HNRNPA1: variants seen among roughly 807,000 people sequenced by gnomAD.
HNRNPA1 encodes the protein epididymis secretory sperm binding protein.
HNRNPA1 carries 7 observed loss-of-function variants against 44.4 expected under a neutral mutation model. The ratio of observed to expected loss-of-function variants is 0.16; its 90% CI spans 0.09 to 0.30. HNRNPA1 has a LOEUF of 0.30. Among genes scored for constraint, HNRNPA1 ranks in the 10% least tolerant of loss-of-function variants. The probability of loss-of-function intolerance (pLI) is 1.00; values close to 1 mark genes in which losing one functional copy is unlikely to be tolerated. For missense variants in HNRNPA1, 193 were observed against 465.8 expected (o/e 0.41, Z 5.39); for synonymous variants, 169 against 160.6 (o/e 1.05, Z -0.40).
At chr12:54,283,679 A>G in intron 8 of HNRNPA1, 133 bp from the exon 9 acceptor site, 2 of 855,310 alleles carry the variant, frequency 2.3e-6, no homozygotes, top group Non-Finnish European at 3.8e-6. Flanking sequence ...ATGAAATGCA[A>G]AGATTGGAGT....
intron 6 of HNRNPA1, 26 bp downstream of exon 6, chr12:54,282,691 T>G: frequency 6.2e-7 from 1 of 1,600,762 alleles, no homozygotes; most frequent in Non-Finnish European, 8.6e-7. Flanking sequence ...CTACATGTAG[T>G]TCTGACTTCT....
At chr12:54,283,406 T>TAGTA (rs2137044441) in intron 8 of HNRNPA1, among the ~76,000 whole-genome samples, 172 bp downstream of exon 8, 1 of 152,250 alleles carries the variant, frequency 6.6e-6, no homozygotes, top group South Asian at 2.1e-4. Flanking sequence ...CACTCCCAAA[T>TAGTA]AGTAGAGATA....
At position 54,280,797 on chromosome 12, in the gene HNRNPA1, A is replaced by G. The variant is rs571362848; in HGVS notation, c.-11A>G. On this transcript the variant is annotated 5_prime_UTR_variant, in exon 1 of 11. Transcript: ENST00000340913. ...AGAAGCATCGTTAAAGTCTCTCTTC[A>G]CCCTGCCGTCATGTCTAAGTCAGAG... The G allele has an allele frequency of 1.4e-4, 223 of 1,614,012 alleles. 4 individuals are homozygous for G. In the South Asian group the frequency reaches 2.3e-3, roughly 16 times the overall value.
chr12:54,281,250 C>G (rs1944162334), intron 1 of HNRNPA1, 136 bp from the exon 2 acceptor site: 1 of 724,194 alleles, frequency 1.4e-6, no homozygotes, highest in African/African-American at 1.7e-5. Context: ...CCTTGATAGG[C>G]AGAAGCACGT....
At chr12:54,280,916 T>G in intron 1 of HNRNPA1, 94 bp downstream of exon 1, 1 of 1,384,144 alleles carries the variant, frequency 7.2e-7, no homozygotes, top group Admixed American at 1.7e-5. Flanking sequence ...ACCAGCCCAT[T>G]CTACAGTTCC....
Position 54,282,165 on chromosome 12 carries a change from C to T in HNRNPA1, c.355C>T (p.His119Tyr), listed in dbSNP as rs1944184217. The T allele has an allele frequency of 1.3e-6, 2 of 1,599,232 alleles. No individual in the cohort carries two copies. Among genetic ancestry groups the T allele is most frequent in the Non-Finnish European group, 1.7e-6 (2 of 1,171,312 alleles). Residue 119 changes from histidine (H) to tyrosine (Y), a missense_variant, in exon 4 of 11, where the codon CAT becomes TAT. Physicochemically the swap from His to Tyr is moderately conservative, Grantham distance 83. Around this residue, in one of 2 missense-constraint regions of HNRNPA1, gnomAD observed 57 missense variants for 231.3 expected, o/e 0.25. Coordinates refer to ENST00000340913, the MANE Select transcript of HNRNPA1 (RefSeq NM_031157.4). ...TGGCATTAAAGAAGACACTGAAGAA[C>T]ATCACCTAAGAGATTATTTTGAACA... ...VGGIKEDTEE[H>Y]HLRDYFEQYG...
chr12:54,280,986 T>G lies in HNRNPA1; in HGVS notation c.15+164T>G, dbSNP rs774875208. On this transcript the variant is annotated intron_variant, in intron 1 of 10. Transcript: ENST00000340913. ...TCAAGTCGCCATTTTGTCCTCTTGA[T>G]CGCCATGAGGCCGCTCTCCGCCAAC... is the stretch of plus-strand genomic sequence containing the variant. 20 of 778,850 alleles carry G rather than the reference T, an allele frequency of 2.6e-5. No homozygotes were observed. The Admixed American group carries it at 3.8e-4, about 15-fold the overall frequency. The allele number at this position is 778,850 out of a possible 1,614,324, so 48.2% of individuals were successfully genotyped here. A position where few individuals can be genotyped will look rare whatever the true frequency, so the allele number is the denominator to read the frequency against.
chr12:54,281,596 G>A, intron 2 of HNRNPA1, 94 bp downstream of exon 2: 1 of 1,026,758 alleles, frequency 9.7e-7, no homozygotes, highest in Non-Finnish European at 1.5e-6. Context: ...GTAGTTAATA[G>A]CATTATAGTT....
rs1420222575 is a variant in HNRNPA1 at position 54,283,160 on chromosome 12, G to A, written c.833G>A (p.Gly278Asp). 1 of 1,613,560 alleles carries A rather than the reference G, an allele frequency of 6.2e-7. No individual in the cohort carries two copies. The highest frequency in any genetic ancestry group is 1.3e-5 in the African/African-American group (1 of 74,912). The change falls in exon 8 of 11, where the codon GGC (glycine) becomes GAC (aspartate). Residue 278 changes from glycine to aspartate, a missense_variant. Gly to Asp is a moderately conservative substitution (Grantham distance 94). This residue lies in a region of HNRNPA1 where 136 missense variants were observed against 234.4 expected (regional missense o/e 0.58). Transcript: ENST00000340913. ...GSGGQGYGNQ[G>D]SGYGGSGSYD... The stretch of plus-strand genomic sequence containing the variant: ...GGTGGACAGGGTTATGGAAACCAGG[G>A]CAGTGGCTATGGCGGGAGTGGCAGC...
In HNRNPA1 at chr12:54,282,854, A is replaced by C; in HGVS notation, c.731A>C (p.Tyr244Ser). ...GGATATGGTGGCAGTGGGGATGGCT[A>C]TAATGGATTTGGTAATGATGGTAAG... is the stretch of plus-strand genomic sequence containing the variant. ...GGGYGGSGDG[Y>S]NGFGNDGGYG... Residue 244 changes from tyrosine (Y) to serine (S), a missense_variant, in exon 7 of 11, where the codon TAT becomes TCT. This residue lies in a region of HNRNPA1 where 136 missense variants were observed against 234.4 expected (regional missense o/e 0.58). Transcript: ENST00000340913. 6.4e-7 allele frequency: 1 copy of C among 1,551,176 alleles called. No homozygotes were observed. The highest frequency in any genetic ancestry group is 8.7e-7 in the Non-Finnish European group (1 of 1,146,896).
intron 1 of HNRNPA1, 168 bp from the exon 2 acceptor site, chr12:54,281,218 C>T: frequency 2.8e-6 from 2 of 705,222 alleles, no homozygotes; most frequent in Admixed American, 2.1e-5. Context: ...TCCTAGCACT[C>T]CCAACTCCAG....
At chr12:54,282,057 G>T (rs538642629) in intron 3 of HNRNPA1, 33 bp from the exon 4 acceptor site, 1 of 1,605,746 alleles carries the variant, frequency 6.2e-7, no homozygotes, top group South Asian at 1.1e-5. Flanking sequence ...TATAGGCTTT[G>T]CTAATCTAAA....
intron 9 of HNRNPA1, 107 bp downstream of exon 9, chr12:54,284,074 T>A (rs1309675982): frequency 2.2e-6 from 3 of 1,393,440 alleles, no homozygotes; most frequent in African/African-American, 1.4e-5. Context: ...GTTTATAGTT[T>A]AGAACCTTCA....
rs1321620311 is a variant in HNRNPA1, at chr12:54,285,330, T to G, written c.*786T>G. 1 of 152,266 alleles carries G rather than the reference T, an allele frequency of 6.6e-6. No homozygotes were observed. The allele number at this position is 152,266 out of a possible 1,614,324, so 9.4% of individuals were successfully genotyped here. ...CCCCCTGATAATAATGTTGAATGCT[T>G]CTATCACAATTCAAGTTCAAAGCTC... is the stretch of plus-strand genomic sequence containing the variant. On this transcript the variant is annotated 3_prime_UTR_variant, in exon 11 of 11. Transcript: ENST00000340913.
chr12:54,284,289 C>T lies in HNRNPA1; in HGVS notation c.1095C>T (p.Ser365=). ...ATGGCGGTTCCAGCAGCAGCAGTAG[C>T]TATGGCAGTGGCAGAAGATTTTAAT... ...GGYGGSSSSS[S]YGSGRRF Residue 365 remains serine (S), a synonymous_variant, in exon 10 of 11, where the codon AGC becomes AGT. Transcript: ENST00000340913. 6.2e-7 allele frequency: 1 copy of T among 1,613,968 alleles called. No homozygotes were observed.
At position 54,285,687 on chromosome 12, in the gene HNRNPA1, G is replaced by T. The variant is rs1183007622; in HGVS notation, c.*1143G>T. Reference sequence around the variant, plus strand: ...CTAAAATGTTAATTGTATAGAAAATGATTTCTAAACCTTTAACAGTTAATA... The same window carrying T: ...CTAAAATGTTAATTGTATAGAAAATTATTTCTAAACCTTTAACAGTTAATA... On this transcript the variant is annotated 3_prime_UTR_variant, in exon 11 of 11. Transcript: ENST00000340913. 2 of 152,102 alleles carry T rather than the reference G, an allele frequency of 1.3e-5. No individual in the cohort carries two copies. Among genetic ancestry groups the T allele is most frequent in the African/African-American group, 2.4e-5 (1 of 41,408 alleles). The allele number at this position is 152,102 out of a possible 1,614,324, so 9.4% of individuals were successfully genotyped here.
chr12:54,282,851 G>C lies in HNRNPA1; in HGVS notation c.728G>C (p.Gly243Ala). ...GGGGYGGSGDGYNGFGNDGGY... is the reference protein window; with the variant it reads ...GGGGYGGSGDAYNGFGNDGGY... ...GGTGGATATGGTGGCAGTGGGGATG[G>C]CTATAATGGATTTGGTAATGATGGT... The change falls in exon 7 of 11, where the codon GGC (glycine) becomes GCC (alanine). Residue 243 changes from glycine (G) to alanine (A), a missense_variant. Gly to Ala is a moderately conservative substitution (Grantham distance 60, BLOSUM62 0). Around this residue, in one of 2 missense-constraint regions of HNRNPA1, gnomAD observed 136 missense variants for 234.4 expected, o/e 0.58. Coordinates refer to ENST00000340913, the MANE Select transcript of HNRNPA1 (RefSeq NM_031157.4). The C allele has an allele frequency of 1.3e-6, 2 of 1,551,148 alleles. No individual in the cohort carries two copies. Among genetic ancestry groups the C allele is most frequent in the Non-Finnish European group, 1.7e-6 (2 of 1,146,878 alleles).
At chr12:54,281,275 T>G (rs1944163472) in intron 1 of HNRNPA1, 111 bp from the exon 2 acceptor site, 3 of 739,034 alleles carry the variant, frequency 4.1e-6, no homozygotes, top group Non-Finnish European at 4.9e-6. Flanking sequence ...TGTTGCGACC[T>G]GAACGAACAA....
Position 54,282,700 on chromosome 12 carries a change from C to A in HNRNPA1, c.676+35C>A, listed in dbSNP as rs187988364. 12 of 1,596,766 alleles carry A rather than the reference C, an allele frequency of 7.5e-6. No individual in the cohort carries two copies. The East Asian group carries it at 2.0e-4, about 27-fold the overall frequency. On this transcript the variant is annotated intron_variant, in intron 6 of 10. Transcript: ENST00000340913. ...GTTTATCTACATGTAGTTCTGACTT[C>A]TCACCATCTTTGCTATGAAGATTTT...
Sources: allele counts gnomAD v4.1 joint callset (sites outside exome capture counted in the v4.1 genomes callset), GRCh38; gene constraint gnomAD v4.1.1; regional missense constraint gnomAD v4.1.1; transcripts MANE v1.5; gene names NCBI Gene and HGNC (gene_info 2026-07-23, HGNC 2026-07-21).